The following INPP4B variants were observed in gnomAD, a reference collection of about 807,000 sequenced individuals.
INPP4B encodes inositol polyphosphate 4-phosphatase type II.
INPP4B carries 55 observed loss-of-function variants against 122.5 expected under a neutral mutation model. The ratio of observed to expected loss-of-function variants is 0.45; its 90% CI spans 0.36 to 0.56. The LOEUF is 0.56. Among genes scored for constraint, INPP4B ranks in the 20% least tolerant of loss-of-function variants. INPP4B has a pLI of 0.00. For missense variants in INPP4B, 1,000 were observed against 1,097.7 expected, an observed-to-expected ratio of 0.91 and a Z score of 1.26; for synonymous variants, 403 against 388.7, an observed-to-expected ratio of 1.04 and a Z score of -0.43.
chr4:142,243,240 T>A lies in INPP4B; in HGVS notation c.689-5229A>T, dbSNP rs1351230798. ...TTTGCCTATATTGTTTTTCTCCTAG[T>A]TTACCTAAAGGAGGAAGAGGAGGAG... is the stretch of plus-strand genomic sequence containing the variant. On this transcript the variant is annotated intron_variant, in intron 11 of 25. Coordinates refer to ENST00000262992, the MANE Select transcript of INPP4B (RefSeq NM_001101669.3). 2.0e-5 allele frequency among the ~76,000 whole-genome samples: 3 copies of A among 152,180 alleles called. No individual in the cohort carries two copies. In the East Asian group the frequency reaches 5.8e-4, roughly 29 times the overall value.
intron 1 of INPP4B, among the ~76,000 whole-genome samples, chr4:142,829,218 C>T (rs926786541): frequency 6.6e-6 from 1 of 152,018 alleles, no homozygotes; most frequent in Non-Finnish European, 1.5e-5. Context: ...GACTTGGATT[C>T]ACTCTTCTCA....
chr4:142,035,378 T>C (rs1221567275), intron 25 of INPP4B, among the ~76,000 whole-genome samples: 2 of 152,210 alleles, frequency 1.3e-5, no homozygotes, highest in Admixed American at 1.3e-4. Flanking sequence ...ACAGATGCTG[T>C]GAGCCGAGAT....
chr4:142,301,694 T>C (rs1425052135), intron 9 of INPP4B, among the ~76,000 whole-genome samples: 1 of 152,186 alleles, frequency 6.6e-6, no homozygotes, highest in Non-Finnish European at 1.5e-5. Context: ...TACTTAAGAA[T>C]ATAAAAAATT....
intron 9 of INPP4B, 56 bp from the exon 10 acceptor site, chr4:142,270,830 A>T: frequency 2.6e-6 from 3 of 1,147,928 alleles, no homozygotes; most frequent in Non-Finnish European, 4.0e-6. Context: ...TCCCCCAAAA[A>T]TATCCAAAAC....
chr4:142,220,950 T>A (rs1193184461), intron 12 of INPP4B, among the ~76,000 whole-genome samples: 1 of 152,134 alleles, frequency 6.6e-6, no homozygotes, highest in Non-Finnish European at 1.5e-5. Flanking sequence ...TTTAAGCTAA[T>A]CACCTCTTTA....
chr4:142,597,558 AG>A (rs1407837806), intron 2 of INPP4B, among the ~76,000 whole-genome samples: 1 of 152,178 alleles, frequency 6.6e-6, no homozygotes, highest in South Asian at 2.1e-4. Context: ...ATCCCCTCTT[AG>A]GTAGGATTAA....
chr4:142,610,471 T>G (rs2150335147), intron 2 of INPP4B, among the ~76,000 whole-genome samples: 1 of 152,264 alleles, frequency 6.6e-6, no homozygotes, highest in South Asian at 2.1e-4. Context: ...TAACCAACAC[T>G]GTTAAGATTG....
chr4:142,515,790 T>G (rs1825347310), intron 2 of INPP4B, among the ~76,000 whole-genome samples: 1 of 152,222 alleles, frequency 6.6e-6, no homozygotes, highest in Non-Finnish European at 1.5e-5. Flanking sequence ...ATGCAGGCCT[T>G]CTAAACTATA....
chr4:142,051,255 A>G (rs1754434458), intron 25 of INPP4B, among the ~76,000 whole-genome samples: 2 of 152,082 alleles, frequency 1.3e-5, no homozygotes, highest in Non-Finnish European at 2.9e-5. Flanking sequence ...TGTTTTGAAC[A>G]TAATACCTTT....
chr4:142,543,002 C>T (rs1829116486), intron 2 of INPP4B, among the ~76,000 whole-genome samples: 1 of 152,092 alleles, frequency 6.6e-6, no homozygotes, highest in Non-Finnish European at 1.5e-5. Flanking sequence ...AAAGCGGTAT[C>T]TTTCTTATTA....
chr4:142,076,614 A>C (rs1770845700), intron 25 of INPP4B, among the ~76,000 whole-genome samples: 1 of 152,026 alleles, frequency 6.6e-6, no homozygotes, highest in East Asian at 1.9e-4. Context: ...ACCTGTTCCC[A>C]ATTACGATGT....
At chr4:142,642,621 G>C (rs1249221620) in intron 2 of INPP4B, among the ~76,000 whole-genome samples, 1 of 152,100 alleles carries the variant, frequency 6.6e-6, no homozygotes, top group Non-Finnish European at 1.5e-5. Context: ...TGTTCCATTG[G>C]TCTATATCTC....
chr4:142,440,536 T>A (rs1339510200), intron 3 of INPP4B, among the ~76,000 whole-genome samples: 1 of 152,128 alleles, frequency 6.6e-6, no homozygotes, highest in Non-Finnish European at 1.5e-5. Flanking sequence ...TCAATGAAAT[T>A]TTTTCATATG....
At chr4:142,810,411 T>C (rs1425849589) in intron 1 of INPP4B, among the ~76,000 whole-genome samples, 1 of 152,160 alleles carries the variant, frequency 6.6e-6, no homozygotes, top group Non-Finnish European at 1.5e-5. Context: ...GTGCCTTTGT[T>C]CCTGTGGTAT....
At chr4:142,447,722 T>C (rs1813210820) in intron 3 of INPP4B, among the ~76,000 whole-genome samples, 1 of 151,634 alleles carries the variant, frequency 6.6e-6, no homozygotes, top group Non-Finnish European at 1.5e-5. Flanking sequence ...TAAATAGGAG[T>C]GAAGATATGT....
intron 14 of INPP4B, among the ~76,000 whole-genome samples, chr4:142,199,116 A>G (rs1439014646): frequency 6.6e-6 from 1 of 152,068 alleles, no homozygotes; most frequent in African/African-American, 2.4e-5. Context: ...GGCTCACACA[A>G]TGTAAAATAT....
intron 2 of INPP4B, among the ~76,000 whole-genome samples, chr4:142,659,081 A>C (rs1260712171): frequency 6.6e-6 from 1 of 152,208 alleles, no homozygotes; most frequent in East Asian, 1.9e-4. Context: ...CAAACCATTC[A>C]GTCCTATAAT....
intron 15 of INPP4B, among the ~76,000 whole-genome samples, chr4:142,177,352 T>C (rs1215040614): frequency 6.6e-6 from 1 of 152,202 alleles, no homozygotes; most frequent in African/African-American, 2.4e-5. Flanking sequence ...ATGTCATATA[T>C]TTTAACAGTT....
chr4:142,675,126 G>A (rs1184546869), intron 2 of INPP4B, among the ~76,000 whole-genome samples: 1 of 151,806 alleles, frequency 6.6e-6, no homozygotes, highest in Non-Finnish European at 1.5e-5. Flanking sequence ...TAATAAAGAA[G>A]AGAAGAATCA....
Sources: allele counts gnomAD v4.1 joint callset (sites outside exome capture counted in the v4.1 genomes callset), GRCh38; gene constraint gnomAD v4.1.1; transcripts MANE v1.5; gene names NCBI Gene and HGNC (gene_info 2026-07-23, HGNC 2026-07-21).